The following STARD9 variants were observed in gnomAD, a reference collection of about 807,000 sequenced individuals.
STARD9 encodes the protein StAR related lipid transfer domain containing 9.
In STARD9, 346 loss-of-function variants were observed where a neutral mutation model predicts 399.8. The ratio of observed to expected loss-of-function variants is 0.87; its 90% CI spans 0.79 to 0.95. The LOEUF (loss-of-function observed/expected upper bound fraction) is 0.95. STARD9 is among the 40% of genes least tolerant of loss of function. The pLI, the probability that STARD9 is intolerant of heterozygous loss-of-function variation, is 0.00. For missense variants in STARD9, 5,832 were observed against 5,667.5 expected, an observed-to-expected ratio of 1.03 and a Z score of -0.93; for synonymous variants, 2,203 against 2,143.5, an observed-to-expected ratio of 1.03 and a Z score of -0.77.
At chr15:42,632,068 G>A (rs2059342762) in intron 3 of STARD9, among the ~76,000 whole-genome samples, 1 of 152,010 alleles carries the variant, frequency 6.6e-6, no homozygotes, top group Non-Finnish European at 1.5e-5. Flanking sequence ...ACGGTATTGA[G>A]GTCTCTCTCT....
At position 42,694,720 on chromosome 15, in the gene STARD9, C is replaced by T. The variant is rs2060802300; in HGVS notation, c.12957C>T (p.Thr4319=). The T allele has an allele frequency of 6.5e-7, 1 of 1,536,840 alleles. No individual in the cohort carries two copies. Among genetic ancestry groups the T allele is most frequent in the African/African-American group, 1.4e-5 (1 of 72,960 alleles). Residue 4319 remains threonine (T), a synonymous_variant, in exon 24 of 33, where the codon ACC becomes ACT. Transcript: ENST00000290607. ...AACTGAGGAAGGATGTTGTGGAGACCACCAGGTAGTGTGGACCGAGAACCC... is the reference window on the plus strand; with the variant it reads ...AACTGAGGAAGGATGTTGTGGAGACTACCAGGTAGTGTGGACCGAGAACCC... ...LQQLRKDVVE[T]TRSPESVSRS... is the part of the protein sequence containing the mutation.
At chr15:42,587,130 A>G (rs1595583694) in intron 3 of STARD9, among the ~76,000 whole-genome samples, 2 of 152,196 alleles carry the variant, frequency 1.3e-5, no homozygotes, top group East Asian at 1.9e-4. Context: ...TGCTGGAATT[A>G]TAGGCATGAG....
chr15:42,597,374 T>A (rs2058527357), intron 3 of STARD9, among the ~76,000 whole-genome samples: 1 of 151,344 alleles, frequency 6.6e-6, no homozygotes, highest in Non-Finnish European at 1.5e-5. Flanking sequence ...TATGTATATT[T>A]ATTTTTTTTT....
Position 42,693,913 on chromosome 15 carries a change from C to G in STARD9, c.12335C>G (p.Pro4112Arg), listed in dbSNP as rs1214009390. ...TTGGGCCTCCCTCAGGCCTGCCAAC[C>G]TGAGGAGTTACTGTGCTTCAGTTGC... Reference protein sequence around the residue: ...SALGLPQACQPEELLCFSCQM... With the variant: ...SALGLPQACQREELLCFSCQM... Residue 4112 changes from proline (P) to arginine (R), a missense_variant, in exon 23 of 33, where the codon CCT (proline) becomes CGT (arginine). Pro to Arg is a moderately radical substitution (Grantham distance 103, BLOSUM62 -2). Around this residue, in one of 2 missense-constraint regions of STARD9, gnomAD observed 5,828 missense variants for 5,651.1 expected, o/e 1.03. Transcript: ENST00000290607. 2 of 1,517,218 alleles carry G rather than the reference C, an allele frequency of 1.3e-6. No homozygotes were observed. The highest frequency in any genetic ancestry group is 2.5e-5 in the South Asian group (2 of 80,764). The allele number at this position is 1,517,218 out of a possible 1,614,324, so 94.0% of individuals were successfully genotyped here. A position where few individuals can be genotyped will look rare whatever the true frequency, so the allele number is the denominator to read the frequency against.
At chr15:42,620,899 T>C (rs2059079850) in intron 3 of STARD9, among the ~76,000 whole-genome samples, 1 of 152,008 alleles carries the variant, frequency 6.6e-6, no homozygotes, top group Admixed American at 6.6e-5. Context: ...GGATTATAGG[T>C]GCCTGCCACC....
At chr15:42,631,746 T>A (rs946716585) in intron 3 of STARD9, among the ~76,000 whole-genome samples, 2 of 151,172 alleles carry the variant, frequency 1.3e-5, no homozygotes, top group Non-Finnish European at 2.9e-5. Context: ...ATAGTTGATA[T>A]GATTTCAGCT....
At chr15:42,644,615 G>A (rs2059611660) in intron 7 of STARD9, among the ~76,000 whole-genome samples, 2 of 152,172 alleles carry the variant, frequency 1.3e-5, no homozygotes, top group Admixed American at 1.3e-4. Flanking sequence ...TCTTAGTGAT[G>A]ATGGCGGCTG....
rs1434880615 is a variant in STARD9 at position 42,669,072 on chromosome 15, G to A, written c.1318-86G>A. The A allele has an allele frequency of 5.0e-6, 6 of 1,195,888 alleles. No homozygotes were observed. The African/African-American group carries it at 7.5e-5, about 15-fold the overall frequency. The allele number at this position is 1,195,888 out of a possible 1,614,324, so 74.1% of individuals were successfully genotyped here. On this transcript the variant is annotated intron_variant, in intron 15 of 32. Coordinates refer to ENST00000290607, the MANE Select transcript of STARD9 (RefSeq NM_020759.3). Reference sequence around the variant, plus strand: ...GGATCATAAGAAAGCAGTACCCTGGGGAAATAGGAATAGATTGTAATGACT... The same window carrying A: ...GGATCATAAGAAAGCAGTACCCTGGAGAAATAGGAATAGATTGTAATGACT...
chr15:42,576,055 C>T (rs2058048486), intron 1 of STARD9, among the ~76,000 whole-genome samples: 1 of 152,116 alleles, frequency 6.6e-6, no homozygotes, highest in South Asian at 2.1e-4. Flanking sequence ...CTTGCTGCAT[C>T]GGGTTGGGCC....
intron 26 of STARD9, among the ~76,000 whole-genome samples, chr15:42,704,291 C>A (rs2061028598): frequency 6.6e-6 from 1 of 152,162 alleles, no homozygotes. Context: ...GTTTATTGGG[C>A]TACCTCAAAA....
At chr15:42,694,775 G>C (rs1474029965) in intron 24 of STARD9, 50 bp downstream of exon 24, 1 of 1,429,254 alleles carries the variant, frequency 7.0e-7, no homozygotes. Flanking sequence ...TGGGGGAGGG[G>C]AGTATGGGGA....
rs1188966489 is a variant in STARD9, at chr15:42,669,327, A to C, written c.1487A>C (p.Tyr496Ser). 2.0e-6 allele frequency: 3 copies of C among 1,517,360 alleles called. No individual in the cohort carries two copies. The African/African-American group carries it at 4.1e-5, about 21-fold the overall frequency. The allele number at this position is 1,517,360 out of a possible 1,614,324, so 94.0% of individuals were successfully genotyped here. Residue 496 changes from tyrosine (Y) to serine (S), a missense_variant, in exon 16 of 33, where the codon TAT (tyrosine) becomes TCT (serine). Physicochemically the swap from Tyr to Ser is moderately radical, Grantham distance 144. Transcript: ENST00000290607. Reference protein sequence around the residue: ...DDVLSTGVVLYHLKEGTTKIG... With the variant: ...DDVLSTGVVLSHLKEGTTKIG... ...GTGCTCAGCACAGGTGTTGTGCTCT[A>C]TCATCTCAAGGTGAGGAGGCTAGTG...
chr15:42,645,111 A>G (rs1318758060), intron 7 of STARD9, among the ~76,000 whole-genome samples: 1 of 152,186 alleles, frequency 6.6e-6, no homozygotes, highest in Non-Finnish European at 1.5e-5. Context: ...AACTTATTCC[A>G]AACCCCTCAA....
Position 42,615,202 on chromosome 15 carries a change from G to A in STARD9, c.235-19654G>A, listed in dbSNP as rs141905011. ...TTTTTGTATTTTTAGTAGAGAGAGC[G>A]TTTCACTATGTTGGCCAGTCTGGTC... On this transcript the variant is annotated intron_variant, in intron 3 of 32. Coordinates refer to ENST00000290607, the MANE Select transcript of STARD9 (RefSeq NM_020759.3). Among the ~76,000 whole-genome samples, 786 of 151,886 alleles carry A rather than the reference G, an allele frequency of 5.2e-3. 8 individuals carry two copies. The highest frequency in any genetic ancestry group is 0.018 in the African/African-American group (744 of 41,444).
At chr15:42,608,153 A>G (rs2058774756) in intron 3 of STARD9, among the ~76,000 whole-genome samples, 1 of 152,176 alleles carries the variant, frequency 6.6e-6, no homozygotes, top group Non-Finnish European at 1.5e-5. Flanking sequence ...CTTGCTATGA[A>G]GGGCTGAGGT....
chr15:42,719,039 G>T, intron 32 of STARD9, 129 bp downstream of exon 32: 1 of 780,908 alleles, frequency 1.3e-6, no homozygotes. Context: ...CTGGAGACTT[G>T]AGGGCTTCCT....
At chr15:42,661,366 A>T in intron 10 of STARD9, 141 bp downstream of exon 10, 1 of 668,324 alleles carries the variant, frequency 1.5e-6, no homozygotes, top group Non-Finnish European at 2.5e-6. Flanking sequence ...CTAGGTTAAG[A>T]AGTTATTTTC....
intron 3 of STARD9, among the ~76,000 whole-genome samples, chr15:42,621,661 G>GGCTA (rs2059096309): frequency 6.6e-6 from 1 of 152,138 alleles, no homozygotes; most frequent in Non-Finnish European, 1.5e-5. Flanking sequence ...GTTGAAACTT[G>GGCTA]GCTACTTGTT....
At position 42,637,923 on chromosome 15, in the gene STARD9, C is replaced by T; in HGVS notation, c.368C>T (p.Thr123Ile). ...GTTCACCAGGCCTCTGTTGGGTTGA[C>T]ACCACGGATATGTGAGGTATAGACT... ...MLGTPASVGL[T>I]PRICEGLFVR... is the part of the protein sequence containing the mutation. Residue 123 changes from threonine to isoleucine, a missense_variant, in exon 5 of 33, where the codon ACA becomes ATA. This residue lies in a region of STARD9 where 5,828 missense variants were observed against 5,651.1 expected (regional missense o/e 1.03). Transcript: ENST00000290607. 1 of 1,537,284 alleles carries T rather than the reference C, an allele frequency of 6.5e-7. No homozygotes were observed. The highest frequency in any genetic ancestry group is 8.7e-7 in the Non-Finnish European group (1 of 1,146,906).
Sources: allele counts gnomAD v4.1 joint callset (sites outside exome capture counted in the v4.1 genomes callset), GRCh38; gene constraint gnomAD v4.1.1; regional missense constraint gnomAD v4.1.1; transcripts MANE v1.5; gene names NCBI Gene and HGNC (gene_info 2026-07-23, HGNC 2026-07-21).